CNTN4: variants seen among roughly 807,000 people sequenced by gnomAD.
CNTN4 encodes the protein contactin-4.
In CNTN4, 77 loss-of-function variants were observed where a neutral mutation model predicts 122.5. The observed-to-expected ratio is 0.63, with a 90% CI of 0.52 to 0.76. CNTN4 has a LOEUF of 0.76. CNTN4 is among the 30% of genes least tolerant of loss of function. CNTN4 has a pLI of 0.00. For missense variants in CNTN4, 1,256 were observed against 1,259.1 expected, an observed-to-expected ratio of 1.00 and a Z score of 0.04; for synonymous variants, 512 against 447.0, an observed-to-expected ratio of 1.15 and a Z score of -1.83.
At chr3:2,931,468 G>C (rs879605730) in intron 13 of CNTN4, among the ~76,000 whole-genome samples, 17 of 152,228 alleles carry the variant, frequency 1.1e-4, no homozygotes, top group Admixed American at 4.6e-4. Context: ...AAGTGGTGAC[G>C]TCATTCAAAC....
At chr3:3,024,318 A>C (rs1406981121) in intron 14 of CNTN4, among the ~76,000 whole-genome samples, 1 of 150,584 alleles carries the variant, frequency 6.6e-6, no homozygotes, top group Non-Finnish European at 1.5e-5. Flanking sequence ...TGACATGTTA[A>C]GTCAAAATGG....
At chr3:2,719,206 T>A (rs980950) in intron 4 of CNTN4, among the ~76,000 whole-genome samples, 1 of 152,120 alleles carries the variant, frequency 6.6e-6, no homozygotes, top group African/African-American at 2.4e-5. Context: ...TTTGTTGAAT[T>A]AGTCAATGAA....
At chr3:2,863,359 T>C (rs2093689724) in intron 7 of CNTN4, among the ~76,000 whole-genome samples, 1 of 151,842 alleles carries the variant, frequency 6.6e-6, no homozygotes, top group Non-Finnish European at 1.5e-5. Context: ...CTCCACAGTA[T>C]TTACAAATGT....
intron 3 of CNTN4, among the ~76,000 whole-genome samples, chr3:2,522,112 T>C (rs2077239165): frequency 6.6e-6 from 1 of 151,832 alleles, no homozygotes; most frequent in Non-Finnish European, 1.5e-5. Context: ...TCTACTGACA[T>C]CATTAGATTT....
At chr3:2,861,520 CTG>C (rs1411357045) in intron 7 of CNTN4, among the ~76,000 whole-genome samples, 2 of 152,176 alleles carry the variant, frequency 1.3e-5, no homozygotes, top group Admixed American at 1.3e-4. Flanking sequence ...CTCACAAACA[CTG>C]TGTAAAAAAC....
intron 4 of CNTN4, among the ~76,000 whole-genome samples, chr3:2,597,972 A>G (rs1006096641): frequency 6.6e-6 from 1 of 152,148 alleles, no homozygotes; most frequent in Non-Finnish European, 1.5e-5. Flanking sequence ...TTTGGCATCT[A>G]TCAGTTTCTA....
chr3:2,650,083 A>T (rs1417718496), intron 4 of CNTN4, among the ~76,000 whole-genome samples: 1 of 147,574 alleles, frequency 6.8e-6, no homozygotes, highest in Non-Finnish European at 1.5e-5. Flanking sequence ...ATAAATATAT[A>T]TATATATATA....
chr3:2,536,768 C>T (rs1052467084), intron 3 of CNTN4, among the ~76,000 whole-genome samples: 1 of 151,942 alleles, frequency 6.6e-6, no homozygotes, highest in Non-Finnish European at 1.5e-5. Context: ...AGCAATTTTC[C>T]TAGGTCAGCA....
chr3:2,501,554 G>A (rs1575781777), intron 3 of CNTN4, among the ~76,000 whole-genome samples: 2 of 152,172 alleles, frequency 1.3e-5, no homozygotes, highest in South Asian at 4.1e-4. Flanking sequence ...CACAGCTTGT[G>A]GCCTGTTCAT....
chr3:2,261,976 C>G (rs1226577675), intron 2 of CNTN4, among the ~76,000 whole-genome samples: 1 of 152,150 alleles, frequency 6.6e-6, no homozygotes, highest in Non-Finnish European at 1.5e-5. Context: ...TCACAAATCA[C>G]ATTGTCTCTA....
chr3:2,727,808 C>G (rs2088342820), intron 4 of CNTN4, among the ~76,000 whole-genome samples: 1 of 152,190 alleles, frequency 6.6e-6, no homozygotes, highest in Non-Finnish European at 1.5e-5. Context: ...CACTTTGTGC[C>G]TTCAGACATA....
At chr3:2,822,420 T>C (rs2092896846) in intron 7 of CNTN4, among the ~76,000 whole-genome samples, 1 of 152,332 alleles carries the variant, frequency 6.6e-6, no homozygotes, top group East Asian at 1.9e-4. Flanking sequence ...GTTTATCAAG[T>C]GTGTTTGCAT....
At chr3:2,998,976 A>G (rs542535003) in intron 14 of CNTN4, 26 of 152,230 alleles carry the variant, frequency 1.7e-4, no homozygotes, top group Non-Finnish European at 3.5e-4. Context: ...TATTATTTGT[A>G]GAAATATTAG....
chr3:2,234,096 C>T (rs1239358889), intron 2 of CNTN4, among the ~76,000 whole-genome samples: 1 of 151,812 alleles, frequency 6.6e-6, no homozygotes, highest in Non-Finnish European at 1.5e-5. Context: ...TGCCATTTGA[C>T]AAGAAAACCA....
intron 3 of CNTN4, among the ~76,000 whole-genome samples, chr3:2,344,179 G>A (rs184653969): frequency 1.3e-5 from 2 of 152,052 alleles, no homozygotes; most frequent in South Asian, 2.1e-4. Context: ...AACTATATCA[G>A]TGATATAACA....
chr3:2,795,066 A>G (rs1320741662), intron 6 of CNTN4, among the ~76,000 whole-genome samples: 1 of 152,202 alleles, frequency 6.6e-6, no homozygotes, highest in East Asian at 1.9e-4. Flanking sequence ...TTCTCTGTCC[A>G]TGGTTAAGAA....
At chr3:2,672,257 T>C (rs1328252771) in intron 4 of CNTN4, among the ~76,000 whole-genome samples, 1 of 152,158 alleles carries the variant, frequency 6.6e-6, no homozygotes, top group Non-Finnish European at 1.5e-5. Context: ...TGTGGTGGGC[T>C]CCACCCAGTT....
intron 2 of CNTN4, among the ~76,000 whole-genome samples, chr3:2,262,922 G>T (rs182004965): frequency 2.2e-3 from 332 of 152,220 alleles, no homozygotes; most frequent in African/African-American, 7.3e-3. Flanking sequence ...TGCAGATGGA[G>T]CATAAGGACA....
At chr3:2,507,786 T>TA (rs71621494) in intron 3 of CNTN4, among the ~76,000 whole-genome samples, 3 of 150,836 alleles carry the variant, frequency 2.0e-5, no homozygotes, top group Non-Finnish European at 4.4e-5. Context: ...TTTTTTTTTT[T>TA]AGCCATTAAA....
Sources: gnomAD v4.1 joint callset for allele counts (sites outside exome capture counted in the v4.1 genomes callset) on GRCh38, gnomAD v4.1.1 for gene constraint, MANE v1.5 for transcripts, NCBI Gene and HGNC (gene_info 2026-07-23, HGNC 2026-07-21) for gene names.